GRID2IP: variants seen among roughly 807,000 people sequenced by gnomAD.
GRID2IP encodes delphilin.
Under a neutral mutation model 114.3 loss-of-function variants are expected in GRID2IP, and 78 were observed. The observed-to-expected ratio is 0.68, with a 90% CI of 0.57 to 0.82. The LOEUF is 0.82. GRID2IP is among the 40% of genes least tolerant of loss of function. GRID2IP has a pLI of 0.00. For missense variants in GRID2IP, 1,727 were observed against 1,678.5 expected, an observed-to-expected ratio of 1.03 and a Z score of -0.51; for synonymous variants, 809 against 724.0, an observed-to-expected ratio of 1.12 and a Z score of -1.89.
chr7:6,545,407 A>C (rs1779872471), intron 1 of GRID2IP, among the ~76,000 whole-genome samples: 1 of 152,056 alleles, frequency 6.6e-6, no homozygotes, highest in Non-Finnish European at 1.5e-5. Flanking sequence ...GCAGTTCACT[A>C]TTGCACTTGA....
chr7:6,520,979 T>G lies in GRID2IP; in HGVS notation c.1085-218A>C, dbSNP rs572132357. Among the ~76,000 whole-genome samples, 1 of 152,226 alleles carries G rather than the reference T, an allele frequency of 6.6e-6. No homozygotes were observed. The highest frequency in any genetic ancestry group is 1.9e-4 in the East Asian group (1 of 5,160). On this transcript the variant is annotated intron_variant, in intron 6 of 21. Transcript: ENST00000457091. The surrounding 1 kb of genome is among the most constrained non-coding windows in gnomAD (Gnocchi z 4.6). ...AGGCTATACACTAGGGTTTTTTGTT[T>G]GTTTGTTTTGAGACAGAGTCTTGCT... is the stretch of plus-strand genomic sequence containing the variant.
In GRID2IP at chr7:6,510,946, C is replaced by T. The variant is rs1297076671; in HGVS notation, c.1517G>A (p.Ser506Asn). The change falls in exon 9 of 22, where the codon AGC becomes AAC. Residue 506 changes from serine (S) to asparagine (N), a missense_variant. By Grantham distance (46) the Ser-to-Asn change is conservative. Transcript: ENST00000457091. ...GGCCTCCAGGCCCTGGGACCGGAGG[C>T]TGCGGCGGCACATGGAGGAAGCCCG... ...SLRASSMCRR[S>N]LRSQGLEAGL... The T allele has an allele frequency of 6.5e-7, 1 of 1,548,902 alleles. No homozygotes were observed. Among genetic ancestry groups the T allele is most frequent in the Non-Finnish European group, 8.7e-7 (1 of 1,145,658 alleles).
chr7:6,533,684 T>C (rs892005709), intron 2 of GRID2IP, among the ~76,000 whole-genome samples: 2 of 151,282 alleles, frequency 1.3e-5, no homozygotes, highest in Admixed American at 1.3e-4. Context: ...CTTTTTTTTT[T>C]TTTTTTTTAA....
At chr7:6,512,514 A>AT (rs1179258439) in intron 8 of GRID2IP, among the ~76,000 whole-genome samples, 76 of 144,154 alleles carry the variant, frequency 5.3e-4, no homozygotes, top group African/African-American at 1.4e-3. Context: ...CTAATTTTTT[A>AT]TTTTTTTTTT....
chr7:6,539,126 C>T (rs1013395548), intron 2 of GRID2IP, among the ~76,000 whole-genome samples: 5 of 130,820 alleles, frequency 3.8e-5, no homozygotes, highest in Non-Finnish European at 6.2e-5. Flanking sequence ...GCAGGGCAGA[C>T]TGTGACCTTT....
At chr7:6,514,933 CAG>C (rs1394997303) in intron 7 of GRID2IP, among the ~76,000 whole-genome samples, 1 of 134,622 alleles carries the variant, frequency 7.4e-6, no homozygotes, top group Non-Finnish European at 1.5e-5. Flanking sequence ...GCCTGGGAGA[CAG>C]AGTGAGACTC....
chr7:6,502,173 C>G, intron 18 of GRID2IP, 55 bp from the exon 19 acceptor site: 1 of 1,490,654 alleles, frequency 6.7e-7, no homozygotes, highest in South Asian at 1.2e-5. Flanking sequence ...GATGGGGTCA[C>G]ATGGGCCCAG....
At chr7:6,504,531 G>C (rs372933147) in intron 15 of GRID2IP, among the ~76,000 whole-genome samples, 12 of 151,998 alleles carry the variant, frequency 7.9e-5, no homozygotes, top group Non-Finnish European at 1.3e-4. Flanking sequence ...GACTAGGGCG[G>C]GGCCTGCGAA....
At chr7:6,544,472 G>C (rs1779856817) in intron 1 of GRID2IP, among the ~76,000 whole-genome samples, 1 of 151,410 alleles carries the variant, frequency 6.6e-6, no homozygotes, top group Non-Finnish European at 1.5e-5. Context: ...GTAGAGACAG[G>C]GTTTCTCCAT....
chr7:6,505,731 A>G, intron 14 of GRID2IP, 89 bp downstream of exon 14: 1 of 793,400 alleles, frequency 1.3e-6, no homozygotes, highest in Non-Finnish European at 2.1e-6. Flanking sequence ...GTTAAATAGT[A>G]GTCAGTGCAG....
At chr7:6,501,760 A>C (rs1252988146) in intron 20 of GRID2IP, 21 bp downstream of exon 20, 1 of 1,527,244 alleles carries the variant, frequency 6.5e-7, no homozygotes, top group Admixed American at 2.0e-5. Flanking sequence ...CTGGTGCAGG[A>C]ACAGGCTGCT....
Position 6,551,278 on chromosome 7 carries a change from C to T in GRID2IP, c.159G>A (p.Glu53=). Reference sequence around the variant, plus strand: ...GGCTCAGACCGCCCACCGCCAGCCCCTCCACCTCCAGGATCTGGTCTCCTG... The same window carrying T: ...GGCTCAGACCGCCCACCGCCAGCCCTTCCACCTCCAGGATCTGGTCTCCTG... ...LRPGDQILEV[E]GLAVGGLSRE... Residue 53 remains glutamate (E), a synonymous_variant, in exon 1 of 22, where the codon GAG becomes GAA. Transcript: ENST00000457091. The T allele has an allele frequency of 6.5e-7, 1 of 1,540,040 alleles. No homozygotes were observed. Among genetic ancestry groups the T allele is most frequent in the Non-Finnish European group, 8.7e-7 (1 of 1,146,370 alleles).
At chr7:6,503,405 G>A (rs1786473783) in intron 16 of GRID2IP, 86 bp downstream of exon 16, 11 of 1,318,214 alleles carry the variant, frequency 8.3e-6, no homozygotes, top group Non-Finnish European at 1.1e-5. Flanking sequence ...GCCCCCGAAG[G>A]CGCGCGGGAC....
chr7:6,507,226 AG>A lies in GRID2IP; in HGVS notation c.2544+758del, dbSNP rs947465541. On this transcript the variant is annotated intron_variant, in intron 13 of 21. Transcript: ENST00000457091. The surrounding 1 kb of genome is among the most constrained non-coding windows in gnomAD (Gnocchi z 5.3). ...TGGAAGGAGCCCCTGCCATATTAAA[AG>A]GAGTATGATGTCCCAGTCAAAGGAG... Among the ~76,000 whole-genome samples the A allele has an allele frequency of 6.6e-6, 1 of 152,234 alleles. No homozygotes were observed. The highest frequency in any genetic ancestry group is 1.5e-5 in the Non-Finnish European group (1 of 68,034).
chr7:6,547,070 G>A (rs1419400911), intron 1 of GRID2IP, among the ~76,000 whole-genome samples: 1 of 152,146 alleles, frequency 6.6e-6, no homozygotes, highest in African/African-American at 2.4e-5. Flanking sequence ...AAGAGGAGAT[G>A]CACAATTTTC....
chr7:6,537,565 G>T (rs1163023606), intron 2 of GRID2IP, among the ~76,000 whole-genome samples: 1 of 150,894 alleles, frequency 6.6e-6, no homozygotes, highest in South Asian at 2.1e-4. Flanking sequence ...TTTTAGTAGA[G>T]ATGGGGGTTT....
chr7:6,500,884 T>C (rs904281999), intron 20 of GRID2IP, among the ~76,000 whole-genome samples: 1 of 152,234 alleles, frequency 6.6e-6, no homozygotes, highest in African/African-American at 2.4e-5. Flanking sequence ...AGTGGGAATG[T>C]CCCACCCTCC....
chr7:6,526,472 C>T lies in GRID2IP; in HGVS notation c.833+49G>A. ...CCTCTCCCCGGGTCTCGGTCCCGAG[C>T]CCACCCGCAGGGAGGCGCCCGCTGC... On this transcript the variant is annotated intron_variant, in intron 3 of 21. Transcript: ENST00000457091. The surrounding 1 kb of genome is among the most constrained non-coding windows in gnomAD (Gnocchi z 7.6). 2 of 1,413,634 alleles carry T rather than the reference C, an allele frequency of 1.4e-6. No individual in the cohort carries two copies. Among genetic ancestry groups the T allele is most frequent in the Non-Finnish European group, 1.8e-6 (2 of 1,083,130 alleles). The allele number at this position is 1,413,634 out of a possible 1,614,324, so 87.6% of individuals were successfully genotyped here.
chr7:6,539,765 G>C lies in GRID2IP; in HGVS notation c.537C>G (p.Thr179=). The part of the protein sequence containing the change: ...QRVDDLVWTL[T]LALPREACGP... ...CGCAGGCCTCTCGGGGCAGCGCCAG[G>C]GTGAGAGTCCACACCAGATCATCCA... is the stretch of plus-strand genomic sequence containing the variant. The change falls in exon 2 of 22, where the codon ACC becomes ACG. Residue 179 remains threonine (T), a synonymous_variant. Coordinates refer to ENST00000457091, the MANE Select transcript of GRID2IP (RefSeq NM_001145118.2). 1 of 1,550,204 alleles carries C rather than the reference G, an allele frequency of 6.5e-7. No individual in the cohort carries two copies. The highest frequency in any genetic ancestry group is 8.7e-7 in the Non-Finnish European group (1 of 1,146,938).
Sources: gnomAD v4.1 joint callset for allele counts (sites outside exome capture counted in the v4.1 genomes callset) on GRCh38, gnomAD v4.1.1 for gene constraint, Gnocchi (gnomAD v3.1) non-coding constraint, MANE v1.5 for transcripts, NCBI Gene and HGNC (gene_info 2026-07-23, HGNC 2026-07-21) for gene names.